Variants in ASTN2 observed in about 807,000 individuals in gnomAD.
ASTN2 encodes astrotactin 2.
Under a neutral mutation model 139.8 loss-of-function variants are expected in ASTN2, and 54 were observed. That is an observed-to-expected ratio of 0.39 (90% CI 0.31 to 0.48). ASTN2 has a LOEUF of 0.48. Among genes scored for constraint, ASTN2 ranks in the 20% least tolerant of loss-of-function variants. The pLI is 0.95. For missense variants in ASTN2, 1,565 were observed against 1,725.1 expected, an observed-to-expected ratio of 0.91 and a Z score of 1.64; for synonymous variants, 756 against 719.5, an observed-to-expected ratio of 1.05 and a Z score of -0.81.
intron 19 of ASTN2, among the ~76,000 whole-genome samples, chr9:116,560,591 T>C (rs969401327): frequency 2.6e-5 from 4 of 152,198 alleles, no homozygotes; most frequent in African/African-American, 9.6e-5. Context: ...AAGTGAGCTC[T>C]TTCTTCTGGA....
chr9:116,638,948 T>C (rs1596101), intron 17 of ASTN2, among the ~76,000 whole-genome samples: 43,598 of 152,146 alleles, frequency 0.29, 7,255 homozygotes, highest in Admixed American at 0.42. Context: ...ATAAGGATTT[T>C]AACATTTACA....
At chr9:116,701,880 GT>G (rs11395772) in intron 16 of ASTN2, among the ~76,000 whole-genome samples, 7,152 of 133,290 alleles carry the variant, frequency 0.054, 403 homozygotes, top group African/African-American at 0.17. Context: ...AGTTTTTTGG[GT>G]TTTTTTTTTT....
chr9:116,954,645 C>G (rs757945117), intron 10 of ASTN2, among the ~76,000 whole-genome samples: 2 of 145,952 alleles, frequency 1.4e-5, no homozygotes, highest in African/African-American at 4.9e-5. Flanking sequence ...TAACTATGTT[C>G]CAATAAAACT....
At chr9:116,925,222 A>G (rs867026727) in intron 10 of ASTN2, among the ~76,000 whole-genome samples, 1 of 152,198 alleles carries the variant, frequency 6.6e-6, no homozygotes, top group African/African-American at 2.4e-5. Flanking sequence ...AGTCATCAGC[A>G]CTACCACCAC....
intron 20 of ASTN2, among the ~76,000 whole-genome samples, chr9:116,477,677 G>A (rs1849027205): frequency 6.6e-6 from 1 of 151,558 alleles, no homozygotes; most frequent in South Asian, 2.1e-4. Flanking sequence ...AAGAGACAGG[G>A]GTAGAGACAC....
At position 116,722,698 on chromosome 9, in the gene ASTN2, C is replaced by G. The variant is rs1828505897; in HGVS notation, c.2806+3073G>C. Among the ~76,000 whole-genome samples the G allele has an allele frequency of 2.0e-5, 3 of 152,178 alleles. No individual in the cohort carries two copies. In the South Asian group the frequency reaches 6.2e-4, roughly 32 times the overall value. Reference sequence around the variant, plus strand: ...GATGGGAAGATCACAGGAAGGCCATCTGGAAACTGTAGAGGGCTGTACAAA... The same window carrying G: ...GATGGGAAGATCACAGGAAGGCCATGTGGAAACTGTAGAGGGCTGTACAAA... On this transcript the variant is annotated intron_variant, in intron 16 of 22. Transcript: ENST00000313400.
rs752512675 is a variant in ASTN2, at chr9:116,838,101, G to GTTTTTTTT, written c.2041-17326_2041-17319dup. 7.5e-5 allele frequency among the ~76,000 whole-genome samples: 10 copies of GTTTTTTTT among 134,144 alleles called. 1 individual carries two copies. Among genetic ancestry groups the GTTTTTTTT allele is most frequent in the Non-Finnish European group, 7.8e-5 (5 of 64,390 alleles). The allele number at this position is 134,144 out of a possible 152,430, so 88.0% of individuals were successfully genotyped here. ...CTGGATTCCAGTTCTGCCTGGCTGT[G>GTTTTTTTT]TTTTTTTTTGTTTTGTTTTGTTTTT... On this transcript the variant is annotated intron_variant, in intron 11 of 22. Coordinates refer to ENST00000313400, the MANE Select transcript of ASTN2 (RefSeq NM_001365068.1).
intron 2 of ASTN2, among the ~76,000 whole-genome samples, chr9:117,252,492 A>G (rs1170894877): frequency 6.6e-6 from 1 of 152,224 alleles, no homozygotes; most frequent in Non-Finnish European, 1.5e-5. Flanking sequence ...CCAAGGACAG[A>G]GCAAGAAACA....
chr9:116,679,528 T>C (rs979151939), intron 16 of ASTN2, among the ~76,000 whole-genome samples: 1 of 152,194 alleles, frequency 6.6e-6, no homozygotes, highest in Non-Finnish European at 1.5e-5. Context: ...TAAATGACTG[T>C]GTGCCACAGA....
chr9:116,786,293 C>T (rs970924171), intron 13 of ASTN2, among the ~76,000 whole-genome samples: 11 of 152,278 alleles, frequency 7.2e-5, no homozygotes, highest in Admixed American at 3.9e-4. Flanking sequence ...CTGCTTTTCT[C>T]CACAGTGTAT....
intron 2 of ASTN2, among the ~76,000 whole-genome samples, chr9:117,262,362 C>T (rs1490121068): frequency 1.3e-5 from 2 of 152,072 alleles, no homozygotes; most frequent in Middle Eastern, 6.8e-3. Context: ...ACTGAATATT[C>T]CCACCCAACA....
intron 4 of ASTN2, among the ~76,000 whole-genome samples, chr9:117,133,575 G>C (rs997983455): frequency 1.3e-5 from 2 of 152,174 alleles, no homozygotes; most frequent in African/African-American, 4.8e-5. Context: ...CAGGAAGCAG[G>C]CTAGCCAATG....
chr9:116,775,751 G>T (rs1160256889), intron 13 of ASTN2, among the ~76,000 whole-genome samples: 1 of 141,588 alleles, frequency 7.1e-6, no homozygotes, highest in East Asian at 2.2e-4. Context: ...GAGGAAGGAA[G>T]GAGGGAGGGA....
At chr9:117,172,401 G>T (rs1830815692) in intron 3 of ASTN2, among the ~76,000 whole-genome samples, 1 of 152,000 alleles carries the variant, frequency 6.6e-6, no homozygotes, top group East Asian at 1.9e-4. Flanking sequence ...TCTGGGTGGT[G>T]GTTACTTGAG....
intron 19 of ASTN2, chr9:116,547,419 G>A (rs1010736352): frequency 6.6e-6 from 1 of 152,164 alleles, no homozygotes; most frequent in African/African-American, 2.4e-5. Flanking sequence ...TAAAAGTAGT[G>A]GAGAGTCAAA....
chr9:116,562,733 TAAAAA>T lies in ASTN2; in HGVS notation c.3355+55586_3355+55590del, dbSNP rs35878476. ...GTGACAGTGCGAGTGACTGCCTCAT[TAAAAA>T]AAAAAAAAAAAAAAAAAAAGAATGC... On this transcript the variant is annotated intron_variant, in intron 19 of 22. Coordinates refer to ENST00000313400, the MANE Select transcript of ASTN2 (RefSeq NM_001365068.1). 9.5e-3 allele frequency among the ~76,000 whole-genome samples: 612 copies of T among 64,460 alleles called. 10 individuals are homozygous for T. Among genetic ancestry groups the T allele is most frequent in the African/African-American group, 0.037 (575 of 15,626 alleles). The allele number at this position is 64,460 out of a possible 152,430, so 42.3% of individuals were successfully genotyped here.
intron 11 of ASTN2, among the ~76,000 whole-genome samples, chr9:116,839,510 C>A (rs966148921): frequency 6.6e-6 from 1 of 151,444 alleles, no homozygotes; most frequent in African/African-American, 2.4e-5. Flanking sequence ...GACAGAGTCT[C>A]GCTCTGTCAC....
chr9:116,564,090 A>G (rs929746093), intron 19 of ASTN2, among the ~76,000 whole-genome samples: 4 of 152,252 alleles, frequency 2.6e-5, no homozygotes, highest in African/African-American at 9.6e-5. Flanking sequence ...GTGGAAGCTC[A>G]GAATGGTAAA....
chr9:117,343,952 AGAAG>A (rs1829136271), intron 1 of ASTN2, among the ~76,000 whole-genome samples: 1 of 152,194 alleles, frequency 6.6e-6, no homozygotes, highest in Non-Finnish European at 1.5e-5. Context: ...GAGGGAGAGA[AGAAG>A]GAAGGAGGGG....
Sources: gnomAD v4.1 joint callset for allele counts (sites outside exome capture counted in the v4.1 genomes callset) on GRCh38, gnomAD v4.1.1 for gene constraint, MANE v1.5 for transcripts, NCBI Gene and HGNC (gene_info 2026-07-23, HGNC 2026-07-21) for gene names.